The following CLSTN2 variants were observed in gnomAD, a reference collection of about 807,000 sequenced individuals.
CLSTN2 encodes calsyntenin-2.
A neutral mutation model predicts 101.2 loss-of-function variants in CLSTN2; 48 were observed. The observed-to-expected ratio is 0.47, with a 90% CI of 0.38 to 0.60. The LOEUF (loss-of-function observed/expected upper bound fraction) is 0.60. Among genes scored for constraint, CLSTN2 ranks in the 20% least tolerant of loss-of-function variants. The probability of loss-of-function intolerance (pLI) is 0.00; values close to 1 mark genes in which losing one functional copy is unlikely to be tolerated. For synonymous variants in CLSTN2, 481 were observed against 463.6 expected, an observed-to-expected ratio of 1.04 and a Z score of -0.48; for missense variants, 1,160 against 1,238.2, an observed-to-expected ratio of 0.94 and a Z score of 0.95.
intron 2 of CLSTN2, among the ~76,000 whole-genome samples, chr3:140,348,886 C>A (rs374898096): frequency 5.1e-4 from 78 of 152,330 alleles, no homozygotes; most frequent in African/African-American, 1.8e-3. Flanking sequence ...CTCCCAGTCC[C>A]CTGCTTCTGG....
intron 8 of CLSTN2, chr3:140,506,113 C>T (rs1479773493): frequency 6.6e-6 from 1 of 152,154 alleles, no homozygotes; most frequent in Non-Finnish European, 1.5e-5. Context: ...CCACAAATGC[C>T]GGAATCCGTG....
chr3:140,404,858 C>T, intron 4 of CLSTN2, 92 bp downstream of exon 4: 1 of 1,056,808 alleles, frequency 9.5e-7, no homozygotes, highest in East Asian at 2.4e-5. Context: ...ATATGCTTGG[C>T]AAGTTATGCC....
chr3:140,041,582 C>T (rs2007762732), intron 1 of CLSTN2, among the ~76,000 whole-genome samples: 1 of 152,200 alleles, frequency 6.6e-6, no homozygotes, highest in Middle Eastern at 3.2e-3. Context: ...TTATCTCCTT[C>T]CAGCCTTTGT....
At chr3:139,987,910 CA>C (rs1319308176) in intron 1 of CLSTN2, among the ~76,000 whole-genome samples, 1 of 152,164 alleles carries the variant, frequency 6.6e-6, no homozygotes, top group Non-Finnish European at 1.5e-5. Flanking sequence ...ACAGTTACGC[CA>C]AACCACAGTG....
chr3:140,545,667 C>T (rs936397506), intron 9 of CLSTN2, among the ~76,000 whole-genome samples: 9 of 152,064 alleles, frequency 5.9e-5, no homozygotes, highest in East Asian at 1.9e-4. Flanking sequence ...CTCAGAGATC[C>T]GATTTGGAAA....
chr3:140,184,093 G>C (rs1353223870), intron 2 of CLSTN2, among the ~76,000 whole-genome samples: 1 of 152,178 alleles, frequency 6.6e-6, no homozygotes, highest in Non-Finnish European at 1.5e-5. Context: ...CTGTTAATGA[G>C]TAGGCTGTAG....
chr3:140,317,271 A>G (rs2087239389), intron 2 of CLSTN2, among the ~76,000 whole-genome samples: 1 of 152,184 alleles, frequency 6.6e-6, no homozygotes, highest in Non-Finnish European at 1.5e-5. Flanking sequence ...GCAGGTGGGA[A>G]AAGTTCAGGG....
intron 1 of CLSTN2, among the ~76,000 whole-genome samples, chr3:139,985,051 C>A (rs951292349): frequency 6.6e-6 from 1 of 152,204 alleles, no homozygotes; most frequent in Non-Finnish European, 1.5e-5. Flanking sequence ...ATCTCCACTG[C>A]CACAAGCAAG....
At chr3:140,518,829 T>C (rs1036151933) in intron 8 of CLSTN2, among the ~76,000 whole-genome samples, 43 of 152,340 alleles carry the variant, frequency 2.8e-4, no homozygotes, top group Middle Eastern at 3.4e-3. Context: ...TCCTGCCTCC[T>C]ATCTGTCATT....
At chr3:140,125,377 A>G (rs2009413186) in intron 1 of CLSTN2, among the ~76,000 whole-genome samples, 1 of 152,138 alleles carries the variant, frequency 6.6e-6, no homozygotes, top group African/African-American at 2.4e-5. Flanking sequence ...CTGAGGCACA[A>G]GGGACACATC....
chr3:140,428,867 G>T (rs1291206298), intron 5 of CLSTN2, among the ~76,000 whole-genome samples: 1 of 152,178 alleles, frequency 6.6e-6, no homozygotes, highest in Non-Finnish European at 1.5e-5. Flanking sequence ...AGGAAGGAAG[G>T]GTGGCAGCTT....
chr3:140,259,850 G>A (rs1441696738), intron 2 of CLSTN2, among the ~76,000 whole-genome samples: 1 of 152,074 alleles, frequency 6.6e-6, no homozygotes, highest in East Asian at 1.9e-4. Context: ...GTATGGATAT[G>A]CCTGAATTAT....
intron 2 of CLSTN2, among the ~76,000 whole-genome samples, chr3:140,304,743 G>A (rs528147732): frequency 2.0e-4 from 31 of 152,104 alleles, no homozygotes; most frequent in Non-Finnish European, 3.2e-4. Flanking sequence ...TTGAATCAGC[G>A]CAAAGGGTTA....
At chr3:140,392,515 T>C (rs75612055) in intron 2 of CLSTN2, among the ~76,000 whole-genome samples, 4,048 of 152,204 alleles carry the variant, frequency 0.027, 170 homozygotes, top group African/African-American at 0.091. Context: ...AGTAACTAAA[T>C]TGAGTGTGTT....
At chr3:140,394,485 T>C (rs991051476) in intron 2 of CLSTN2, among the ~76,000 whole-genome samples, 1 of 152,226 alleles carries the variant, frequency 6.6e-6, no homozygotes, top group Non-Finnish European at 1.5e-5. Flanking sequence ...TTCTTACAGC[T>C]ACAGCACTTC....
At chr3:140,408,737 GAAGCCA>G (rs1193353760) in intron 4 of CLSTN2, among the ~76,000 whole-genome samples, 6 of 152,152 alleles carry the variant, frequency 3.9e-5, no homozygotes. Context: ...GGAACCCAGG[GAAGCCA>G]CTACATGTAT....
intron 2 of CLSTN2, among the ~76,000 whole-genome samples, chr3:140,372,104 T>TCCCA (rs2087864770): frequency 6.6e-6 from 1 of 152,126 alleles, no homozygotes; most frequent in African/African-American, 2.4e-5. Flanking sequence ...GCAGGAGCTT[T>TCCCA]GTCTACTGTT....
At chr3:140,514,814 C>A (rs968472322) in intron 8 of CLSTN2, among the ~76,000 whole-genome samples, 1 of 152,024 alleles carries the variant, frequency 6.6e-6, no homozygotes, top group African/African-American at 2.4e-5. Context: ...TTTTTATGTT[C>A]TTAGTGTTGC....
At chr3:140,452,950 C>A (rs974934654) in intron 6 of CLSTN2, among the ~76,000 whole-genome samples, 1 of 152,194 alleles carries the variant, frequency 6.6e-6, no homozygotes, top group Non-Finnish European at 1.5e-5. Context: ...AAGGACCATG[C>A]CATCTAGGCA....
Sources: allele counts gnomAD v4.1 joint callset (sites outside exome capture counted in the v4.1 genomes callset), GRCh38; gene constraint gnomAD v4.1.1; transcripts MANE v1.5; gene names NCBI Gene and HGNC (gene_info 2026-07-23, HGNC 2026-07-21).